Variants in PDE4B observed in about 807,000 individuals in gnomAD.
The protein encoded by PDE4B is phosphodiesterase 4B.
PDE4B carries 20 observed loss-of-function variants against 82.2 expected under a neutral mutation model. That is an observed-to-expected ratio of 0.24 (90% CI 0.17 to 0.35). PDE4B has a LOEUF of 0.35. Ranked by LOEUF, PDE4B falls within the 10% of genes least tolerant of loss-of-function variation. The pLI is 1.00. For missense variants in PDE4B, 655 were observed against 907.2 expected, an observed-to-expected ratio of 0.72 and a Z score of 3.57; for synonymous variants, 320 against 318.9, an observed-to-expected ratio of 1.00 and a Z score of -0.04.
intron 1 of PDE4B, among the ~76,000 whole-genome samples, chr1:65,829,761 C>G (rs1646060089): frequency 6.6e-6 from 1 of 152,080 alleles, no homozygotes; most frequent in African/African-American, 2.4e-5. Flanking sequence ...AAGCAAAAAG[C>G]ATCTGGTACA....
At chr1:66,326,817 A>C (rs777732831) in intron 7 of PDE4B, among the ~76,000 whole-genome samples, 6 of 152,222 alleles carry the variant, frequency 3.9e-5, no homozygotes, top group Non-Finnish European at 7.3e-5. Context: ...AATCATGTGT[A>C]ATTGAGGGCA....
At chr1:66,166,937 T>A (rs992416592) in intron 3 of PDE4B, among the ~76,000 whole-genome samples, 1 of 152,104 alleles carries the variant, frequency 6.6e-6, no homozygotes, top group African/African-American at 2.4e-5. Flanking sequence ...TGGACAATGA[T>A]CATATGAAAG....
chr1:66,201,957 C>G (rs1649002995), intron 3 of PDE4B, among the ~76,000 whole-genome samples: 1 of 152,104 alleles, frequency 6.6e-6, no homozygotes, highest in South Asian at 2.1e-4. Flanking sequence ...AATTTTAGAT[C>G]TTTCCTGCTT....
chr1:66,301,120 A>G (rs1424650164), intron 7 of PDE4B, among the ~76,000 whole-genome samples: 1 of 152,148 alleles, frequency 6.6e-6, no homozygotes, highest in African/African-American at 2.4e-5. Flanking sequence ...GGCCCATAGT[A>G]CAGCTATGAG....
chr1:66,308,161 A>T (rs897852602), intron 7 of PDE4B, among the ~76,000 whole-genome samples: 1 of 152,148 alleles, frequency 6.6e-6, no homozygotes, highest in Non-Finnish European at 1.5e-5. Flanking sequence ...GCCAGGAAGG[A>T]AATGCAAAAT....
intron 3 of PDE4B, among the ~76,000 whole-genome samples, chr1:65,975,792 T>A (rs557069393): frequency 1.3e-5 from 2 of 152,274 alleles, no homozygotes; most frequent in East Asian, 3.9e-4. Context: ...GTGGCTTCCA[T>A]CTGGTGTTGG....
At chr1:66,305,461 G>A (rs901202967) in intron 7 of PDE4B, among the ~76,000 whole-genome samples, 2 of 152,082 alleles carry the variant, frequency 1.3e-5, no homozygotes, top group Admixed American at 6.6e-5. Flanking sequence ...AAGACTGATT[G>A]TAGTATAATA....
chr1:65,877,191 T>C (rs1571054848), intron 1 of PDE4B, among the ~76,000 whole-genome samples: 2 of 152,232 alleles, frequency 1.3e-5, no homozygotes, highest in East Asian at 3.8e-4. Flanking sequence ...ATGGTACTGG[T>C]ACCAAAACAG....
At chr1:66,087,721 A>G (rs905274007) in intron 3 of PDE4B, among the ~76,000 whole-genome samples, 2 of 151,922 alleles carry the variant, frequency 1.3e-5, no homozygotes, top group Admixed American at 1.3e-4. Context: ...CTTTGTAGGG[A>G]CGTGGATGAA....
At chr1:66,130,942 T>G (rs1349507293) in intron 3 of PDE4B, among the ~76,000 whole-genome samples, 1 of 152,200 alleles carries the variant, frequency 6.6e-6, no homozygotes, top group Admixed American at 6.5e-5. Flanking sequence ...GAATCTGAAG[T>G]TTTATTATTT....
chr1:66,338,749 T>A (rs1423487922), intron 8 of PDE4B, among the ~76,000 whole-genome samples: 4 of 152,324 alleles, frequency 2.6e-5, no homozygotes, highest in Non-Finnish European at 4.4e-5. Context: ...CCGGGCGCGG[T>A]GGCTCACGCC....
chr1:66,187,085 G>C (rs1279606064), intron 3 of PDE4B, among the ~76,000 whole-genome samples: 1 of 152,212 alleles, frequency 6.6e-6, no homozygotes, highest in African/African-American at 2.4e-5. Flanking sequence ...CATCTGTTGA[G>C]ATAATCATGT....
intron 3 of PDE4B, among the ~76,000 whole-genome samples, chr1:66,079,031 GA>G (rs1373021041): frequency 6.6e-6 from 1 of 152,048 alleles, no homozygotes; most frequent in Non-Finnish European, 1.5e-5. Context: ...AAATGGGATG[GA>G]TTTTGCCACC....
chr1:65,869,655 T>C (rs1173775989), intron 1 of PDE4B, among the ~76,000 whole-genome samples: 2 of 152,176 alleles, frequency 1.3e-5, no homozygotes, highest in African/African-American at 2.4e-5. Context: ...GGAGGCTGGA[T>C]GGTTTGCGTA....
intron 7 of PDE4B, among the ~76,000 whole-genome samples, chr1:66,317,150 A>G (rs1297874754): frequency 2.0e-5 from 3 of 152,228 alleles, no homozygotes; most frequent in East Asian, 3.8e-4. Flanking sequence ...TGCAAAAATC[A>G]TAACTGTTAA....
At chr1:65,932,309 A>G (rs1647880020) in intron 3 of PDE4B, among the ~76,000 whole-genome samples, 1 of 152,040 alleles carries the variant, frequency 6.6e-6, no homozygotes, top group South Asian at 2.1e-4. Flanking sequence ...AGGGCATCAA[A>G]TGATTCAACT....
intron 3 of PDE4B, among the ~76,000 whole-genome samples, chr1:66,099,359 A>G (rs1645177185): frequency 6.6e-6 from 1 of 152,124 alleles, no homozygotes; most frequent in Non-Finnish European, 1.5e-5. Flanking sequence ...TTCTTTATCC[A>G]ACCTATCATT....
chr1:66,144,530 T>G (rs550468846), intron 3 of PDE4B, among the ~76,000 whole-genome samples: 17 of 152,320 alleles, frequency 1.1e-4, no homozygotes, highest in African/African-American at 4.1e-4. Context: ...ATCCCTAATG[T>G]GAATATCCGA....
At chr1:66,113,388 G>T (rs1192518151) in intron 3 of PDE4B, among the ~76,000 whole-genome samples, 1 of 152,152 alleles carries the variant, frequency 6.6e-6, no homozygotes, top group Non-Finnish European at 1.5e-5. Context: ...GTTTCATCAA[G>T]ACAAGTGAGT....
Sources: allele counts gnomAD v4.1 joint callset (sites outside exome capture counted in the v4.1 genomes callset), GRCh38; gene constraint gnomAD v4.1.1; transcripts MANE v1.5; gene names NCBI Gene and HGNC (gene_info 2026-07-23, HGNC 2026-07-21).